XYLT1: variants seen among roughly 807,000 people sequenced by gnomAD.
XYLT1 encodes beta-D-xylosyltransferase 1.
A neutral mutation model predicts 91.3 loss-of-function variants in XYLT1; 36 were observed. That is an observed-to-expected ratio of 0.39 (90% CI 0.30 to 0.52). The LOEUF (loss-of-function observed/expected upper bound fraction) is 0.52, where lower values mean the gene tolerates loss of function less well. XYLT1 is among the 20% of genes least tolerant of loss of function. The probability of loss-of-function intolerance (pLI) is 0.68; values close to 1 mark genes in which losing one functional copy is unlikely to be tolerated. For synonymous variants in XYLT1, 588 were observed against 532.0 expected (o/e 1.11, Z -1.45); for missense variants, 1,242 against 1,284.5 (o/e 0.97, Z 0.51).
rs1052929256 is a variant in XYLT1, at chr16:17,186,655, C to T, written c.1289+11557G>A. On this transcript the variant is annotated intron_variant, in intron 5 of 11. Coordinates refer to ENST00000261381, the MANE Select transcript of XYLT1 (RefSeq NM_022166.4). ...ACCTTGATTTGACCCGGCTGAGAAGCACATAGTGAGATGTCAAGCTCCTTG... is the reference window on the plus strand; with the variant it reads ...ACCTTGATTTGACCCGGCTGAGAAGTACATAGTGAGATGTCAAGCTCCTTG... 3.9e-5 allele frequency among the ~76,000 whole-genome samples: 6 copies of T among 152,052 alleles called. No individual in the cohort carries two copies. In the East Asian group the frequency reaches 1.2e-3, roughly 29 times the overall value.
At chr16:17,191,686 C>G (rs1465235120) in intron 5 of XYLT1, among the ~76,000 whole-genome samples, 1 of 152,242 alleles carries the variant, frequency 6.6e-6, no homozygotes, top group Non-Finnish European at 1.5e-5. Context: ...GAAGCCCTGG[C>G]CACCTGTTCC....
At chr16:17,196,444 C>A (rs963839482) in intron 5 of XYLT1, among the ~76,000 whole-genome samples, 1 of 152,142 alleles carries the variant, frequency 6.6e-6, no homozygotes, top group Admixed American at 6.6e-5. Context: ...TCTGTGATAT[C>A]TTATATTTCT....
At chr16:17,116,004 C>G (rs1359442491) in intron 11 of XYLT1, among the ~76,000 whole-genome samples, 1 of 141,964 alleles carries the variant, frequency 7.0e-6, no homozygotes, top group Non-Finnish European at 1.5e-5. Context: ...AAAAAGCAAT[C>G]TTACAGTACA....
intron 9 of XYLT1, among the ~76,000 whole-genome samples, chr16:17,133,332 A>G (rs2030569473): frequency 6.6e-6 from 1 of 152,220 alleles, no homozygotes; most frequent in African/African-American, 2.4e-5. Context: ...TAAATGAACA[A>G]GAAAAAGAAG....
chr16:17,288,983 T>A (rs1327661256), intron 2 of XYLT1, among the ~76,000 whole-genome samples: 3 of 152,164 alleles, frequency 2.0e-5, no homozygotes, highest in African/African-American at 7.2e-5. Flanking sequence ...CTCAGAGACA[T>A]AAAGTCACTT....
intron 1 of XYLT1, among the ~76,000 whole-genome samples, chr16:17,427,553 G>A (rs189860804): frequency 1.3e-3 from 201 of 152,204 alleles, no homozygotes; most frequent in African/African-American, 4.8e-3. Flanking sequence ...CAAAGCGCTG[G>A]GATTACAGGC....
intron 2 of XYLT1, among the ~76,000 whole-genome samples, chr16:17,283,325 CCGGGG>C (rs1324581767): frequency 1.3e-5 from 2 of 152,146 alleles, no homozygotes; most frequent in South Asian, 2.1e-4. Context: ...ACTCTGAAGG[CCGGGG>C]GCAGTCACAG....
intron 5 of XYLT1, among the ~76,000 whole-genome samples, chr16:17,168,848 A>T (rs2031759379): frequency 6.6e-6 from 1 of 151,924 alleles, no homozygotes; most frequent in Non-Finnish European, 1.5e-5. Flanking sequence ...TGACCATGTC[A>T]CCCTTTGACT....
intron 1 of XYLT1, among the ~76,000 whole-genome samples, chr16:17,376,994 T>C (rs888286944): frequency 6.6e-6 from 1 of 152,008 alleles, no homozygotes. Flanking sequence ...CTGGCCAATA[T>C]GGTGAAACAC....
intron 9 of XYLT1, among the ~76,000 whole-genome samples, chr16:17,133,679 A>C (rs2030588208): frequency 6.6e-6 from 1 of 152,228 alleles, no homozygotes; most frequent in African/African-American, 2.4e-5. Context: ...CTTCAGAACA[A>C]AAGAAAGGGT....
At chr16:17,146,900 T>C (rs949736803) in intron 6 of XYLT1, among the ~76,000 whole-genome samples, 10 of 152,194 alleles carry the variant, frequency 6.6e-5, no homozygotes, top group Non-Finnish European at 1.5e-4. Flanking sequence ...GTCACGGGTC[T>C]TGCTCTTTCT....
At chr16:17,269,769 C>T (rs925913431) in intron 2 of XYLT1, among the ~76,000 whole-genome samples, 1 of 151,440 alleles carries the variant, frequency 6.6e-6, no homozygotes, top group African/African-American at 2.4e-5. Context: ...CCCTTCCCTC[C>T]CTCCCACCTC....
At chr16:17,265,048 C>T (rs577004648) in intron 2 of XYLT1, among the ~76,000 whole-genome samples, 3 of 152,096 alleles carry the variant, frequency 2.0e-5, no homozygotes, top group Non-Finnish European at 4.4e-5. Context: ...ATTAGCTGGG[C>T]GTGGTGGCAC....
chr16:17,391,238 T>C (rs1019573593), intron 1 of XYLT1, among the ~76,000 whole-genome samples: 2 of 152,170 alleles, frequency 1.3e-5, no homozygotes, highest in African/African-American at 4.8e-5. Context: ...ACACTTGATA[T>C]GAACTAGGGG....
chr16:17,117,872 A>G lies in XYLT1; in HGVS notation c.2331T>C (p.Asn777=), dbSNP rs7201590. ...CCACCCAAATGACGGTCACGGTCAC[A>G]TTAGGTCCCTTCCCCCACTTCTGCA... ...VGMQKWGKGP[N]VTVTVIWVDP... is the part of the protein sequence containing the mutation. The change falls in exon 11 of 12, where the codon AAT becomes AAC. Residue 777 remains asparagine (N), a synonymous_variant. Coordinates refer to ENST00000261381, the MANE Select transcript of XYLT1 (RefSeq NM_022166.4). 17,927 of 1,614,004 alleles carry G rather than the reference A, an allele frequency of 0.011. 1,559 individuals are homozygous for G. In the African/African-American group the frequency reaches 0.2, roughly 18 times the overall value.
chr16:17,335,997 G>T (rs1004182335), intron 2 of XYLT1, among the ~76,000 whole-genome samples: 1 of 152,186 alleles, frequency 6.6e-6, no homozygotes, highest in Non-Finnish European at 1.5e-5. Context: ...CTTTGGAAAA[G>T]GCTGCAACAG....
Position 17,286,181 on chromosome 16 carries a change from T to A in XYLT1, c.403-26683A>T, listed in dbSNP as rs571070670. ...TTGCTCAAGGTCCCGGCACTAGTAATTGGTAGGACTGGAATTTGAACCAGG... is the reference window on the plus strand; with the variant it reads ...TTGCTCAAGGTCCCGGCACTAGTAAATGGTAGGACTGGAATTTGAACCAGG... On this transcript the variant is annotated intron_variant, in intron 2 of 11. Coordinates refer to ENST00000261381, the MANE Select transcript of XYLT1 (RefSeq NM_022166.4). Among the ~76,000 whole-genome samples, 16 of 152,210 alleles carry A rather than the reference T, an allele frequency of 1.1e-4. No individual in the cohort carries two copies. The East Asian group carries it at 2.9e-3, about 28-fold the overall frequency.
intron 11 of XYLT1, among the ~76,000 whole-genome samples, chr16:17,112,109 T>C (rs544922114): frequency 3.9e-5 from 6 of 152,102 alleles, no homozygotes; most frequent in Non-Finnish European, 8.8e-5. Context: ...GGGAGCCAAA[T>C]ATTGTGGTTG....
intron 3 of XYLT1, among the ~76,000 whole-genome samples, chr16:17,225,965 C>CA (rs1043727733): frequency 6.6e-6 from 1 of 151,874 alleles, no homozygotes; most frequent in Non-Finnish European, 1.5e-5. Context: ...AGAACATCTG[C>CA]AAAAAATTAT....
Sources: allele counts gnomAD v4.1 joint callset (sites outside exome capture counted in the v4.1 genomes callset), GRCh38; gene constraint gnomAD v4.1.1; transcripts MANE v1.5; gene names NCBI Gene and HGNC (gene_info 2026-07-23, HGNC 2026-07-21).